ADAMTS3: variants seen among roughly 807,000 people sequenced by gnomAD.
ADAMTS3 encodes the protein A disintegrin and metalloproteinase with thrombospondin motifs 3.
In ADAMTS3, 73 loss-of-function variants were observed where a neutral mutation model predicts 129.0. That is an observed-to-expected ratio of 0.57 (90% CI 0.47 to 0.69). ADAMTS3 has a LOEUF of 0.69. ADAMTS3 is among the 30% of genes least tolerant of loss of function. ADAMTS3 has a pLI of 0.00. For synonymous variants in ADAMTS3, 477 were observed against 510.8 expected, an observed-to-expected ratio of 0.93 and a Z score of 0.89; for missense variants, 1,457 against 1,514.5, an observed-to-expected ratio of 0.96 and a Z score of 0.63.
At chr4:72,530,742 A>AT (rs1244788247) in intron 3 of ADAMTS3, among the ~76,000 whole-genome samples, 1 of 25,586 alleles carries the variant, frequency 3.9e-5, no homozygotes, top group African/African-American at 2.1e-4. Context: ...TATATTATAT[A>AT]TATTATATAT....
chr4:72,412,801 AC>A (rs1335520648), intron 4 of ADAMTS3, among the ~76,000 whole-genome samples: 1 of 151,958 alleles, frequency 6.6e-6, no homozygotes, highest in Non-Finnish European at 1.5e-5. Context: ...AAAATATATT[AC>A]TCTAGTTGGT....
chr4:72,548,825 C>A lies in ADAMTS3; in HGVS notation c.157G>T (p.Glu53Ter). Reference sequence around the variant, plus strand: ...AGAGTATGGGAGAGATAGCGTCCTTCTAGATTTGTGCTGACTGGAGTCACC... The same window carrying A: ...AGAGTATGGGAGAGATAGCGTCCTTATAGATTTGTGCTGACTGGAGTCACC... ...ELVTPVSTNL[E>*]GRYLSHTLSA... is the part of the protein sequence containing the mutation. Residue 53 changes from glutamate to a stop codon, truncating the protein, a stop_gained, in exon 3 of 22, where the codon GAA becomes TAA. Coordinates refer to ENST00000286657, the MANE Select transcript of ADAMTS3 (RefSeq NM_014243.3). LOFTEE classifies it high-confidence loss of function. 1 of 1,613,830 alleles carries A rather than the reference C, an allele frequency of 6.2e-7. No individual in the cohort carries two copies. The highest frequency in any genetic ancestry group is 1.7e-5 in the Admixed American group (1 of 59,972).
At chr4:72,536,828 T>C (rs1413763055) in intron 3 of ADAMTS3, among the ~76,000 whole-genome samples, 1 of 152,204 alleles carries the variant, frequency 6.6e-6, no homozygotes, top group African/African-American at 2.4e-5. Flanking sequence ...TCCCAAAGTA[T>C]CATAACTCAG....
At chr4:72,479,669 G>C (rs1309064817) in intron 3 of ADAMTS3, among the ~76,000 whole-genome samples, 1 of 152,118 alleles carries the variant, frequency 6.6e-6, no homozygotes, top group African/African-American at 2.4e-5. Context: ...AAAAGCAATG[G>C]CAACAAAAGA....
intron 3 of ADAMTS3, among the ~76,000 whole-genome samples, chr4:72,490,160 T>C (rs1486282736): frequency 6.6e-6 from 1 of 152,000 alleles, no homozygotes; most frequent in Non-Finnish European, 1.5e-5. Flanking sequence ...TGTTGTCTTC[T>C]ATTGAGAAAT....
chr4:72,457,596 T>C (rs961208601), intron 3 of ADAMTS3, among the ~76,000 whole-genome samples: 25 of 151,672 alleles, frequency 1.6e-4, no homozygotes, highest in Admixed American at 6.6e-5. Context: ...TATTGAGGAC[T>C]TGCAGTTTGT....
At chr4:72,443,233 C>T (rs1205651210) in intron 3 of ADAMTS3, among the ~76,000 whole-genome samples, 1 of 151,706 alleles carries the variant, frequency 6.6e-6, no homozygotes, top group East Asian at 2.0e-4. Flanking sequence ...AGGACAAAGT[C>T]AGTTTCATCT....
chr4:72,391,677 T>C (rs1721599900), intron 4 of ADAMTS3, among the ~76,000 whole-genome samples: 1 of 152,184 alleles, frequency 6.6e-6, no homozygotes, highest in Non-Finnish European at 1.5e-5. Flanking sequence ...CTACGCATCA[T>C]TTAACTCCAT....
intron 4 of ADAMTS3, among the ~76,000 whole-genome samples, chr4:72,360,447 G>T (rs1408638652): frequency 6.6e-6 from 1 of 151,820 alleles, no homozygotes; most frequent in African/African-American, 2.4e-5. Context: ...GCTTGACTGG[G>T]CAAAATAGTA....
intron 3 of ADAMTS3, among the ~76,000 whole-genome samples, chr4:72,477,015 T>C (rs548892686): frequency 6.6e-6 from 1 of 151,764 alleles, no homozygotes; most frequent in African/African-American, 2.4e-5. Flanking sequence ...AAAATAGGAG[T>C]AGAAGGGAAC....
At chr4:72,556,255 C>T (rs954011835) in intron 2 of ADAMTS3, among the ~76,000 whole-genome samples, 1 of 151,622 alleles carries the variant, frequency 6.6e-6, no homozygotes, top group African/African-American at 2.4e-5. Flanking sequence ...GACACAGTGG[C>T]CCATGCTCTA....
At chr4:72,425,087 T>C (rs1373320223) in intron 3 of ADAMTS3, among the ~76,000 whole-genome samples, 3 of 152,136 alleles carry the variant, frequency 2.0e-5, no homozygotes, top group Non-Finnish European at 4.4e-5. Flanking sequence ...GAAAGCATAT[T>C]CTTCCAGAAA....
At chr4:72,531,706 C>T (rs990454230) in intron 3 of ADAMTS3, among the ~76,000 whole-genome samples, 1 of 152,154 alleles carries the variant, frequency 6.6e-6, no homozygotes, top group African/African-American at 2.4e-5. Flanking sequence ...TTTAGAAACT[C>T]ACAAGCATTT....
chr4:72,319,238 A>T, intron 9 of ADAMTS3, 94 bp downstream of exon 9: 1 of 1,447,102 alleles, frequency 6.9e-7, no homozygotes. Context: ...GTTTTCATTT[A>T]CTGGGAATTT....
intron 3 of ADAMTS3, among the ~76,000 whole-genome samples, chr4:72,517,006 T>C (rs527290485): frequency 6.6e-6 from 1 of 152,204 alleles, no homozygotes; most frequent in Non-Finnish European, 1.5e-5. Flanking sequence ...TTGAGATACA[T>C]CCCATCAATA....
chr4:72,479,003 C>T (rs1015085798), intron 3 of ADAMTS3, among the ~76,000 whole-genome samples: 18 of 151,958 alleles, frequency 1.2e-4, no homozygotes, highest in African/African-American at 4.4e-4. Context: ...GAAGGACCTC[C>T]TCAAGGAGAA....
chr4:72,319,167 C>T (rs1719484584), intron 9 of ADAMTS3, among the ~76,000 whole-genome samples, 165 bp downstream of exon 9: 1 of 152,116 alleles, frequency 6.6e-6, no homozygotes, highest in Non-Finnish European at 1.5e-5. Context: ...AGTATTGTGA[C>T]TCCATGATAA....
At chr4:72,438,075 T>C (rs1718012253) in intron 3 of ADAMTS3, among the ~76,000 whole-genome samples, 1 of 151,716 alleles carries the variant, frequency 6.6e-6, no homozygotes, top group Non-Finnish European at 1.5e-5. Context: ...CAGAGTAAAC[T>C]GACTTAACCC....
chr4:72,378,551 G>A (rs927895421), intron 4 of ADAMTS3, among the ~76,000 whole-genome samples: 8 of 152,106 alleles, frequency 5.3e-5, no homozygotes, highest in African/African-American at 1.9e-4. Context: ...GAGCTTCCAT[G>A]CAAGAGGTAG....
Sources: allele counts gnomAD v4.1 joint callset (sites outside exome capture counted in the v4.1 genomes callset), GRCh38; gene constraint gnomAD v4.1.1; transcripts MANE v1.5; gene names NCBI Gene and HGNC (gene_info 2026-07-23, HGNC 2026-07-21).